The following DRC3 variants were observed in gnomAD, a reference collection of about 807,000 sequenced individuals.
The protein encoded by DRC3 is dynein regulatory complex subunit 3, also known as leucine rich repeat containing 48.
A neutral mutation model predicts 57.6 loss-of-function variants in DRC3; 45 were observed. The observed-to-expected ratio is 0.78, with a 90% CI of 0.62 to 1.00. DRC3 has a LOEUF of 1.00. DRC3 is among the 50% of genes least tolerant of loss of function. The probability of loss-of-function intolerance (pLI) is 0.00; values close to 1 mark genes in which losing one functional copy is unlikely to be tolerated. For missense variants in DRC3, 655 were observed against 675.2 expected, an observed-to-expected ratio of 0.97 and a Z score of 0.33; for synonymous variants, 257 against 272.3, an observed-to-expected ratio of 0.94 and a Z score of 0.55.
Position 17,972,923 on chromosome 17 carries a change from C to T in DRC3, c.-180C>T, listed in dbSNP as rs868136892. On this transcript the variant is annotated 5_prime_UTR_variant, in exon 1 of 14. Transcript: ENST00000399187. ...GTCGCGGCGCTTGGTTCCCCAGCAA[C>T]CGGGAGACGCGTCTGCTGCGTGGAA... The T allele has an allele frequency of 6.5e-6, 1 of 152,862 alleles. No homozygotes were observed. Among genetic ancestry groups the T allele is most frequent in the Admixed American group, 6.5e-5 (1 of 15,280 alleles). 9.5% of individuals were successfully genotyped at this position (152,862 alleles called of 1,614,324 possible). A position where few individuals can be genotyped will look rare whatever the true frequency, so the allele number is the denominator to read the frequency against.
intron 12 of DRC3, chr17:18,015,855 A>C (rs959939563): frequency 3.7e-6 from 2 of 543,742 alleles, no homozygotes; most frequent in Non-Finnish European, 6.5e-6. Flanking sequence ...CCCTTTCCCC[A>C]CAACACCTGC....
Position 17,987,950 on chromosome 17 carries a change from T to A in DRC3, c.296T>A (p.Ile99Asn). The change falls in exon 5 of 14, where the codon ATT becomes AAT. Residue 99 changes from isoleucine (I) to asparagine (N), a missense_variant. Coordinates refer to ENST00000399187, the MANE Select transcript of DRC3 (RefSeq NM_031294.4). ...TTCCCAGATCTGTCTTTCAACAACA[T>A]TGAGACCATCGAGGGGCTGGACACA... Reference protein sequence around the residue: ...LVWLDLSFNNIETIEGLDTLV... With the variant: ...LVWLDLSFNNNETIEGLDTLV... 2 of 1,613,906 alleles carry A rather than the reference T, an allele frequency of 1.2e-6. No homozygotes were observed. The highest frequency in any genetic ancestry group is 1.7e-6 in the Non-Finnish European group (2 of 1,179,876).
intron 4 of DRC3, among the ~76,000 whole-genome samples, chr17:17,987,713 T>C (rs1278243520): frequency 6.6e-6 from 1 of 152,266 alleles, no homozygotes; most frequent in South Asian, 2.1e-4. Flanking sequence ...AGGAGGATGA[T>C]TGGCGGAACT....
chr17:17,977,292 T>C, intron 2 of DRC3: 1 of 385,598 alleles, frequency 2.6e-6, no homozygotes, highest in East Asian at 6.6e-5. Flanking sequence ...GATCACAGGC[T>C]AGGGAGACCA....
intron 9 of DRC3, among the ~76,000 whole-genome samples, chr17:17,998,584 CCTTCCTTGTTGT>C (rs921851742): frequency 6.6e-6 from 1 of 152,086 alleles, no homozygotes; most frequent in African/African-American, 2.4e-5. Flanking sequence ...AACTTAAGGC[CCTTCCTTGTTGT>C]GAACTTAAAG....
intron 6 of DRC3, chr17:17,993,119 G>A: frequency 1.8e-6 from 1 of 555,222 alleles, no homozygotes; most frequent in East Asian, 3.3e-5. Context: ...CGTTCCCAGG[G>A]GCCAGGCCTC....
chr17:17,988,078 C>CG lies in DRC3; in HGVS notation c.426dup (p.Ile143AspfsTer2), dbSNP rs779906867. ...GCAGGTGTTGTCGCTGGGCAACAAC[C>CG]GGATTGACAACATGATGAACGTGAG... On this transcript the variant is annotated frameshift_variant, in exon 5 of 14. Transcript: ENST00000399187. LOFTEE classifies it high-confidence loss of function. 2 of 1,613,688 alleles carry CG rather than the reference C, an allele frequency of 1.2e-6. No individual in the cohort carries two copies. The highest frequency in any genetic ancestry group is 2.7e-5 in the African/African-American group (2 of 74,910).
At position 17,997,581 on chromosome 17, in the gene DRC3, A is replaced by T. The variant is rs1402631196; in HGVS notation, c.946A>T (p.Asn316Tyr). 1 of 1,611,330 alleles carries T rather than the reference A, an allele frequency of 6.2e-7. No homozygotes were observed. The highest frequency in any genetic ancestry group is 1.1e-5 in the South Asian group (1 of 90,520). ...SECVREAIQE[N>Y]QEQGKRKIAK... ...ATGTGTCCGTGAGGCCATCCAGGAA[A>T]ACCAGGAGCAGGGCAAACGCAAGAT... Residue 316 changes from asparagine to tyrosine, a missense_variant, in exon 9 of 14, where the codon AAC becomes TAC. By Grantham distance (143) the Asn-to-Tyr change is moderately radical. Coordinates refer to ENST00000399187, the MANE Select transcript of DRC3 (RefSeq NM_031294.4).
intron 5 of DRC3, among the ~76,000 whole-genome samples, chr17:17,991,309 G>A (rs1159904722): frequency 2.2e-4 from 1 of 4,640 alleles, no homozygotes; most frequent in Non-Finnish European, 4.7e-4. Flanking sequence ...TTTTTTTTTT[G>A]AGAAGGAGTC....
intron 3 of DRC3, 127 bp downstream of exon 3, chr17:17,977,885 A>C: frequency 1.1e-6 from 1 of 926,526 alleles, no homozygotes; most frequent in Non-Finnish European, 1.6e-6. Context: ...ATTAGGGCCT[A>C]CCTGGGTTAC....
intron 12 of DRC3, among the ~76,000 whole-genome samples, chr17:18,012,876 C>G (rs990944783): frequency 6.6e-6 from 1 of 152,078 alleles, no homozygotes; most frequent in Non-Finnish European, 1.5e-5. Context: ...AAAAGACACC[C>G]TACACAATGT....
At chr17:17,975,728 G>C (rs2042356324) in intron 2 of DRC3, among the ~76,000 whole-genome samples, 1 of 152,178 alleles carries the variant, frequency 6.6e-6, no homozygotes, top group African/African-American at 2.4e-5. Context: ...AGTGTGAACA[G>C]ATTGGAGAGA....
intron 4 of DRC3, among the ~76,000 whole-genome samples, 178 bp from the exon 5 acceptor site, chr17:17,987,754 G>T (rs2043029062): frequency 6.6e-6 from 1 of 152,142 alleles, no homozygotes; most frequent in Non-Finnish European, 1.5e-5. Flanking sequence ...GAGGCTGCAG[G>T]AAATAATTCA....
intron 3 of DRC3, among the ~76,000 whole-genome samples, chr17:17,979,314 G>T (rs557027702): frequency 6.6e-6 from 1 of 152,248 alleles, no homozygotes; most frequent in African/African-American, 2.4e-5. Context: ...AGTGAAGTGG[G>T]GACCCCGGGA....
intron 3 of DRC3, 89 bp downstream of exon 3, chr17:17,977,847 A>G: frequency 7.1e-7 from 1 of 1,399,512 alleles, no homozygotes; most frequent in Non-Finnish European, 9.6e-7. Flanking sequence ...TTCCATGCAA[A>G]GTCCACGGTC....
rs1447498255 is a variant in DRC3, at chr17:18,004,303, C to T, written c.1000-60C>T. 2.5e-5 allele frequency: 38 copies of T among 1,537,788 alleles called. 1 individual carries two copies. The highest frequency in any genetic ancestry group is 7.2e-5 in the East Asian group (3 of 41,794). ...TCTTACCCACAAAACCAAATTGCCA[C>T]CTGCCATTATCTAATTACACTTAGT... On this transcript the variant is annotated intron_variant, in intron 9 of 13. Transcript: ENST00000399187.
intron 3 of DRC3, chr17:17,978,084 G>C (rs868862923): frequency 5.1e-6 from 1 of 194,604 alleles, no homozygotes; most frequent in Non-Finnish European, 1.1e-5. Context: ...TCCTTGGAGT[G>C]GGGGTCCCTG....
chr17:17,991,068 G>T (rs1364466625), intron 5 of DRC3, among the ~76,000 whole-genome samples: 1 of 152,096 alleles, frequency 6.6e-6, no homozygotes, highest in Non-Finnish European at 1.5e-5. Flanking sequence ...TAAGGGCAGG[G>T]ACCCCACAGG....
At chr17:17,973,410 G>A (rs1480350845) in intron 1 of DRC3, among the ~76,000 whole-genome samples, 3 of 152,020 alleles carry the variant, frequency 2.0e-5, no homozygotes, top group African/African-American at 7.2e-5. Flanking sequence ...TTCTGTATCC[G>A]TCTCTGTCAG....
Sources: gnomAD v4.1 joint callset for allele counts (sites outside exome capture counted in the v4.1 genomes callset) on GRCh38, gnomAD v4.1.1 for gene constraint, MANE v1.5 for transcripts, NCBI Gene and HGNC (gene_info 2026-07-23, HGNC 2026-07-21) for gene names.